GFI1B: variants seen among roughly 807,000 people sequenced by gnomAD.
GFI1B encodes the protein growth factor independent 1B transcriptional repressor, also known as zinc finger protein Gfi-1b.
GFI1B carries 20 observed loss-of-function variants against 35.3 expected under a neutral mutation model. The ratio of observed to expected loss-of-function variants is 0.57; its 90% confidence interval spans 0.40 to 0.82. The LOEUF (loss-of-function observed/expected upper bound fraction) is 0.82, where lower values mean the gene tolerates loss of function less well. Among genes scored for constraint, GFI1B ranks in the 40% least tolerant of loss-of-function variants. GFI1B has a pLI of 0.00. For synonymous variants in GFI1B, 178 were observed against 177.6 expected, an observed-to-expected ratio of 1.00 and a Z score of -0.02; for missense variants, 430 against 446.3, an observed-to-expected ratio of 0.96 and a Z score of 0.33.
intron 1 of GFI1B, among the ~76,000 whole-genome samples, chr9:132,960,717 G>A (rs1454387258): frequency 6.6e-6 from 1 of 151,576 alleles, no homozygotes; most frequent in African/African-American, 2.4e-5. Flanking sequence ...TCCCAGGCTG[G>A]TTTCGAAGTC....
At chr9:132,992,196 C>T (rs1005789214), downstream of GFI1B, among the ~76,000 whole-genome samples, 10 of 152,130 alleles carry the variant, frequency 6.6e-5, no homozygotes, top group African/African-American at 2.4e-4. Context: ...CTGCTTCTGC[C>T]TCCATCTCTG....
In GFI1B at chr9:132,989,971, C is replaced by A; in HGVS notation, c.814+64C>A. On this transcript the variant is annotated intron_variant, in intron 6 of 6. Coordinates refer to ENST00000372122, the MANE Select transcript of GFI1B (RefSeq NM_001377304.1). The surrounding 1 kb of genome is among the most constrained non-coding windows in gnomAD (Gnocchi z 6.2). ...CACCCCCACCTTTCCCTGAGAGATGCATCAGAGGCCCCCAGCGTGAGGCTG... is the reference window on the plus strand; with the variant it reads ...CACCCCCACCTTTCCCTGAGAGATGAATCAGAGGCCCCCAGCGTGAGGCTG... The A allele has an allele frequency of 2.8e-6, 4 of 1,423,796 alleles. No individual in the cohort carries two copies. The highest frequency in any genetic ancestry group is 4.0e-6 in the Non-Finnish European group (4 of 1,009,990). 88.2% of individuals were successfully genotyped at this position (1,423,796 alleles called of 1,614,324 possible). A position where few individuals can be genotyped will look rare whatever the true frequency, so the allele number is the denominator to read the frequency against.
upstream of GFI1B, among the ~76,000 whole-genome samples, chr9:132,977,585 C>T (rs1848668209): frequency 6.6e-6 from 1 of 152,218 alleles, no homozygotes; most frequent in Admixed American, 6.5e-5. Context: ...CCTAACAGTG[C>T]TCTGTTTGTG....
intron 1 of GFI1B, among the ~76,000 whole-genome samples, chr9:132,979,246 C>CT (rs34125755): frequency 0.063 from 5,964 of 95,290 alleles, 661 homozygotes; most frequent in African/African-American, 0.096. Flanking sequence ...TCCTGGGACA[C>CT]TTTTTTTTTT....
intron 2 of GFI1B, among the ~76,000 whole-genome samples, 199 bp from the exon 3 acceptor site, chr9:132,987,083 G>T (rs1255578829): frequency 6.6e-6 from 1 of 152,198 alleles, no homozygotes; most frequent in African/African-American, 2.4e-5. Flanking sequence ...CTGGTCCAAA[G>T]TCTTCCCCGG....
At position 132,987,825 on chromosome 9, in the gene GFI1B, G is replaced by A. The variant is rs375469154; in HGVS notation, c.239-372G>A. 4.6e-5 allele frequency among the ~76,000 whole-genome samples: 7 copies of A among 152,126 alleles called. No homozygotes were observed. The South Asian group carries it at 6.2e-4, about 14-fold the overall frequency. ...GTGTGTGGTAGAGGGTGGTGGGAAG[G>A]GGGTGCCCTGTGTTTATTTTATTTC... On this transcript the variant is annotated intron_variant, in intron 3 of 6. Coordinates refer to ENST00000372122, the MANE Select transcript of GFI1B (RefSeq NM_001377304.1).
intron 3 of GFI1B, among the ~76,000 whole-genome samples, chr9:132,987,915 A>T (rs978944274): frequency 2.0e-5 from 3 of 151,530 alleles, no homozygotes; most frequent in Non-Finnish European, 2.9e-5. Flanking sequence ...CACGATCTCA[A>T]CTCACTGCAA....
At chr9:132,956,385 A>T (rs972580740) in intron 1 of GFI1B, among the ~76,000 whole-genome samples, 1 of 152,208 alleles carries the variant, frequency 6.6e-6, no homozygotes, top group Non-Finnish European at 1.5e-5. Flanking sequence ...AGCTTTGCTT[A>T]GCAGGTAGAC....
chr9:132,988,491 G>A, intron 4 of GFI1B, 23 bp downstream of exon 4: 1 of 1,608,922 alleles, frequency 6.2e-7, no homozygotes, highest in Non-Finnish European at 8.5e-7. Context: ...GGGTGTGGTG[G>A]GCACCTGGGC....
At chr9:132,984,222 C>G (rs999411575) in intron 1 of GFI1B, among the ~76,000 whole-genome samples, 22 of 152,212 alleles carry the variant, frequency 1.4e-4, no homozygotes, top group Admixed American at 5.2e-4. Context: ...CAGTCCTCCT[C>G]CTGCTCACTG....
chr9:132,963,185 C>A (rs1333119261), intron 1 of GFI1B, among the ~76,000 whole-genome samples: 2 of 149,226 alleles, frequency 1.3e-5, no homozygotes, highest in African/African-American at 4.9e-5. Context: ...ACTTTCATTT[C>A]AAAAAAATAT....
rs139637487 is a variant in GFI1B at position 132,985,216 on chromosome 9, A to T, written c.-20-1443A>T. On this transcript the variant is annotated intron_variant, in intron 1 of 6. Coordinates refer to ENST00000372122, the MANE Select transcript of GFI1B (RefSeq NM_001377304.1). ...TCACAGGCTGAGTGCAGGGATGTGAACCATTCTGGGGGCCAGGCAGGGCTC... is the reference window on the plus strand; with the variant it reads ...TCACAGGCTGAGTGCAGGGATGTGATCCATTCTGGGGGCCAGGCAGGGCTC... Among the ~76,000 whole-genome samples the T allele has an allele frequency of 8.0e-3, 1,224 of 152,228 alleles. 14 individuals are homozygous for T. The highest frequency in any genetic ancestry group is 0.028 in the African/African-American group (1,174 of 41,538).
chr9:132,991,719 G>A (rs1205300828), downstream of GFI1B: 2 of 156,226 alleles, frequency 1.3e-5, no homozygotes, highest in African/African-American at 4.8e-5. Flanking sequence ...TTTATTAAGT[G>A]CCTATGAGGT....
rs183527190 is a variant in GFI1B, at chr9:132,961,504, A to G, written c.-700-11221A>G. Among the ~76,000 whole-genome samples the G allele has an allele frequency of 4.2e-3, 633 of 152,084 alleles. 4 individuals carry two copies. Among genetic ancestry groups the G allele is most frequent in the Middle Eastern group, 6.8e-3 (2 of 294 alleles). On this transcript the variant is annotated intron_variant, in intron 1 of 10. Coordinates refer to the GFI1B transcript ENST00000339463. ...GTGACCCTAAGAAGTATGAAAAGAC[A>G]GCCTCACTCAACATAAAGGAAACAC...
intron 1 of GFI1B, among the ~76,000 whole-genome samples, chr9:132,949,308 A>C (rs62578217): frequency 7.4e-6 from 1 of 135,394 alleles, no homozygotes; most frequent in African/African-American, 2.9e-5. Flanking sequence ...CACACACATC[A>C]AGCCAAACCC....
chr9:132,986,810 A>G, intron 2 of GFI1B, 32 bp downstream of exon 2: 1 of 1,356,134 alleles, frequency 7.4e-7, no homozygotes, highest in Non-Finnish European at 1.0e-6. Flanking sequence ...CGCCTGCTGC[A>G]CCCACGGGGG....
intron 1 of GFI1B, among the ~76,000 whole-genome samples, chr9:132,954,275 TAGAAACAA>T (rs1848247820): frequency 6.6e-6 from 1 of 152,050 alleles, no homozygotes; most frequent in African/African-American, 2.4e-5. Context: ...GCATTTTTTG[TAGAAACAA>T]GGTTTTACCA....
At chr9:132,965,335 T>C (rs968403662) in intron 1 of GFI1B, among the ~76,000 whole-genome samples, 4 of 152,178 alleles carry the variant, frequency 2.6e-5, no homozygotes, top group African/African-American at 9.7e-5. Flanking sequence ...AGCAAGGACA[T>C]GCTCGAAGAT....
intron 1 of GFI1B, among the ~76,000 whole-genome samples, chr9:132,964,570 C>T (rs1215371795): frequency 2.6e-5 from 4 of 152,052 alleles, no homozygotes. Flanking sequence ...ATCACTATCG[C>T]AAAAGATTTT....
Sources: gnomAD v4.1 joint callset for allele counts (sites outside exome capture counted in the v4.1 genomes callset) on GRCh38, gnomAD v4.1.1 for gene constraint, Gnocchi (gnomAD v3.1) non-coding constraint, MANE v1.5 for transcripts, NCBI Gene and HGNC (gene_info 2026-07-23, HGNC 2026-07-21) for gene names.